IMMP1L: variants seen among roughly 807,000 people sequenced by gnomAD.
IMMP1L encodes inner mitochondrial membrane peptidase subunit 1, also known as mitochondrial inner membrane protease subunit 1.
A neutral mutation model predicts 21.8 loss-of-function variants in IMMP1L; 24 were observed. The ratio of observed to expected loss-of-function variants is 1.10; its 90% CI spans 0.80 to 1.55. IMMP1L has a LOEUF of 1.55. Ranked by LOEUF, IMMP1L falls within the 40% of genes most tolerant of loss-of-function variation. The pLI is 0.00. For synonymous variants in IMMP1L, 46 were observed against 62.8 expected, an observed-to-expected ratio of 0.73 and a Z score of 1.26; for missense variants, 195 against 200.7, an observed-to-expected ratio of 0.97 and a Z score of 0.17.
intron 1 of IMMP1L, among the ~76,000 whole-genome samples, chr11:31,487,055 T>C (rs1413287546): frequency 2.0e-5 from 3 of 151,732 alleles, no homozygotes; most frequent in Non-Finnish European, 2.9e-5. Context: ...GTATTATATA[T>C]TTATGTTCCT....
intron 1 of IMMP1L, among the ~76,000 whole-genome samples, chr11:31,472,623 T>A (rs888921398): frequency 2.0e-5 from 3 of 152,164 alleles, no homozygotes; most frequent in Non-Finnish European, 4.4e-5. Flanking sequence ...AACTGAGTCA[T>A]TAATGTAGAG....
chr11:31,495,766 G>C (rs1955411011), intron 1 of IMMP1L, among the ~76,000 whole-genome samples: 1 of 152,026 alleles, frequency 6.6e-6, no homozygotes, highest in African/African-American at 2.4e-5. Context: ...CCATTCAATG[G>C]GGAAAAGGCA....
chr11:31,483,853 G>A (rs1166141266), intron 1 of IMMP1L, among the ~76,000 whole-genome samples: 2 of 151,648 alleles, frequency 1.3e-5, no homozygotes, highest in Admixed American at 1.3e-4. Context: ...ATTAAATAAA[G>A]CTTCATGATA....
intron 4 of IMMP1L, among the ~76,000 whole-genome samples, chr11:31,434,298 A>G (rs1953037831): frequency 6.6e-6 from 1 of 152,180 alleles, no homozygotes; most frequent in African/African-American, 2.4e-5. Context: ...ACTCAGTGAC[A>G]ATCATAAGCA....
intron 1 of IMMP1L, 142 bp from the exon 2 acceptor site, chr11:31,463,447 C>T: frequency 1.4e-6 from 1 of 707,986 alleles, no homozygotes; most frequent in Non-Finnish European, 2.1e-6. Flanking sequence ...AGTTTGTTAT[C>T]AGTTCTAATG....
At chr11:31,470,378 A>AC (rs1564990587) in intron 1 of IMMP1L, among the ~76,000 whole-genome samples, 1 of 151,648 alleles carries the variant, frequency 6.6e-6, no homozygotes, top group East Asian at 1.9e-4. Context: ...GCGCTATTGC[A>AC]CTCCAGCCTG....
intron 4 of IMMP1L, among the ~76,000 whole-genome samples, chr11:31,448,018 T>TA (rs1953592756): frequency 6.6e-6 from 1 of 152,166 alleles, no homozygotes. Flanking sequence ...TAGTAAAGAC[T>TA]GTTATAGCAC....
intron 1 of IMMP1L, among the ~76,000 whole-genome samples, chr11:31,506,001 G>A (rs976549074): frequency 6.6e-6 from 1 of 152,090 alleles, no homozygotes; most frequent in East Asian, 1.9e-4. Context: ...AGTTATATGC[G>A]TGTTTTCAAC....
chr11:31,503,216 T>C (rs1202785375), intron 1 of IMMP1L, among the ~76,000 whole-genome samples: 1 of 152,160 alleles, frequency 6.6e-6, no homozygotes, highest in Non-Finnish European at 1.5e-5. Flanking sequence ...AGTAAATATT[T>C]TGAAATAAAT....
At position 31,456,406 on chromosome 11, in the gene IMMP1L, G is replaced by T. The variant is rs764027035; in HGVS notation, c.195-20C>A. The stretch of plus-strand genomic sequence containing the variant: ...TCACCTCTGAGGGGGAAAAGTCAAA[G>T]AAATGTCTGTATTATTTATTAAGCA... On this transcript the variant is annotated intron_variant, in intron 3 of 5. Transcript: ENST00000532287. The T allele has an allele frequency of 1.2e-6, 2 of 1,601,840 alleles. No individual in the cohort carries two copies.
chr11:31,482,119 T>C (rs1015219100), intron 1 of IMMP1L, among the ~76,000 whole-genome samples: 1 of 152,046 alleles, frequency 6.6e-6, no homozygotes, highest in African/African-American at 2.4e-5. Flanking sequence ...GAGTATTTTA[T>C]AGAAAGTACA....
intron 1 of IMMP1L, among the ~76,000 whole-genome samples, chr11:31,496,997 T>C (rs1055849527): frequency 6.7e-6 from 1 of 148,366 alleles, no homozygotes; most frequent in Non-Finnish European, 1.5e-5. Flanking sequence ...TTATATCATA[T>C]ACTATAATCT....
chr11:31,478,374 C>G (rs1054074891), intron 1 of IMMP1L, among the ~76,000 whole-genome samples: 1 of 152,156 alleles, frequency 6.6e-6, no homozygotes, highest in African/African-American at 2.4e-5. Context: ...TTCTGTGCTT[C>G]TATAACAATC....
intron 1 of IMMP1L, among the ~76,000 whole-genome samples, chr11:31,478,175 AG>A (rs1954784145): frequency 6.6e-6 from 1 of 152,232 alleles, no homozygotes; most frequent in African/African-American, 2.4e-5. Context: ...ATCCATATGC[AG>A]CCGCCTGGTT....
In IMMP1L at chr11:31,462,331, A is replaced by AG. The variant is rs1554943535; in HGVS notation, c.105+840dup. 4.4e-4 allele frequency among the ~76,000 whole-genome samples: 65 copies of AG among 147,188 alleles called. 1 individual carries two copies. Among genetic ancestry groups the AG allele is most frequent in the Admixed American group, 7.5e-4 (11 of 14,722 alleles). On this transcript the variant is annotated intron_variant, in intron 2 of 5. Transcript: ENST00000532287. ...ACCCTGTCTCCAAAAAAAAAAAAAA[A>AG]GAAGGGAAATTTCAGTTAAATATAT...
In IMMP1L at chr11:31,433,522, T is replaced by C; in HGVS notation, c.370A>G (p.Thr124Ala). Residue 124 changes from threonine (T) to alanine (A), a missense_variant, in exon 5 of 6, where the codon ACA becomes GCA. Thr to Ala is a moderately conservative substitution (Grantham distance 58). Transcript: ENST00000532287. ...WLEGDNLQNSTDSRCYGPIPY... is the reference protein window; with the variant it reads ...WLEGDNLQNSADSRCYGPIPY... ...ATAGGTCCATAGCACCTGGAATCTG[T>C]AGAATTCTGTAGATTGTCACCTTCT... 2 of 1,612,036 alleles carry C rather than the reference T, an allele frequency of 1.2e-6. No individual in the cohort carries two copies. The highest frequency in any genetic ancestry group is 1.7e-6 in the Non-Finnish European group (2 of 1,178,854).
intron 1 of IMMP1L, among the ~76,000 whole-genome samples, chr11:31,494,937 A>C (rs1223109): frequency 0.36 from 55,283 of 152,066 alleles, 12,358 homozygotes; most frequent in African/African-American, 0.63. Context: ...AGCCACCGCG[A>C]CCAGCCCAAA....
intron 2 of IMMP1L, 107 bp from the exon 3 acceptor site, chr11:31,460,821 G>A: frequency 1.3e-6 from 1 of 798,290 alleles, no homozygotes. Context: ...TGTTCCTAAA[G>A]CTTGGGGGAT....
intron 3 of IMMP1L, among the ~76,000 whole-genome samples, chr11:31,457,337 A>G (rs944046407): frequency 7.2e-5 from 11 of 152,168 alleles, no homozygotes; most frequent in African/African-American, 2.7e-4. Flanking sequence ...GATCCTAAAA[A>G]GTGAAAAGGA....
Sources: gnomAD v4.1 joint callset for allele counts (sites outside exome capture counted in the v4.1 genomes callset) on GRCh38, gnomAD v4.1.1 for gene constraint, MANE v1.5 for transcripts, NCBI Gene and HGNC (gene_info 2026-07-23, HGNC 2026-07-21) for gene names.